Variants in ZNF212 observed in about 807,000 individuals in gnomAD.
ZNF212 encodes the protein zinc finger protein 212, also known as Zinc finger protein C2H2-150.
In ZNF212, 32 loss-of-function variants were observed where a neutral mutation model predicts 47.3. That is an observed-to-expected ratio of 0.68 (90% CI 0.51 to 0.91). ZNF212 has a LOEUF of 0.91. Ranked by LOEUF, ZNF212 falls within the 40% of genes least tolerant of loss-of-function variation. The pLI, the probability that ZNF212 is intolerant of heterozygous loss-of-function variation, is 0.00. For synonymous variants in ZNF212, 242 were observed against 253.8 expected, an observed-to-expected ratio of 0.95 and a Z score of 0.44; for missense variants, 555 against 622.8, an observed-to-expected ratio of 0.89 and a Z score of 1.16.
At chr7:149,241,676 A>G (rs965420944) in intron 1 of ZNF212, among the ~76,000 whole-genome samples, 1 of 152,190 alleles carries the variant, frequency 6.6e-6, no homozygotes, top group Non-Finnish European at 1.5e-5. Context: ...GAGCCCCAAA[A>G]CTTAAGCGAA....
At chr7:149,249,567 AAAAAT>A (rs1796723206) in intron 1 of ZNF212, among the ~76,000 whole-genome samples, 1 of 151,992 alleles carries the variant, frequency 6.6e-6, no homozygotes, top group Admixed American at 6.6e-5. Flanking sequence ...TTTGTTGAAA[AAAAAT>A]AAACTAAAAG....
rs112076454 is a variant in ZNF212, at chr7:149,245,592, A to G, written c.25-4567A>G. 4.3e-3 allele frequency among the ~76,000 whole-genome samples: 648 copies of G among 152,102 alleles called. 2 individuals carry two copies. Among genetic ancestry groups the G allele is most frequent in the Non-Finnish European group, 7.3e-3 (493 of 68,000 alleles). ...GTGATCATGGCTTCCTGCAGCCTCAATCCCCTGGGCTCAAGTGATCTTCCC... is the reference window on the plus strand; with the variant it reads ...GTGATCATGGCTTCCTGCAGCCTCAGTCCCCTGGGCTCAAGTGATCTTCCC... On this transcript the variant is annotated intron_variant, in intron 1 of 4. Transcript: ENST00000335870.
chr7:149,250,048 T>C (rs913566835), intron 1 of ZNF212, 111 bp from the exon 2 acceptor site: 13 of 1,063,174 alleles, frequency 1.2e-5, no homozygotes, highest in Non-Finnish European at 1.6e-5. Context: ...AAAGACATGC[T>C]TTTTTTTAAT....
chr7:149,252,518 C>G (rs890353704), intron 3 of ZNF212, among the ~76,000 whole-genome samples, 188 bp from the exon 4 acceptor site: 17 of 152,220 alleles, frequency 1.1e-4, no homozygotes, highest in Non-Finnish European at 2.4e-4. Context: ...AGCAGCTAGC[C>G]AAGTCAGTTG....
At chr7:149,249,915 C>T (rs1796728535) in intron 1 of ZNF212, among the ~76,000 whole-genome samples, 1 of 152,192 alleles carries the variant, frequency 6.6e-6, no homozygotes, top group African/African-American at 2.4e-5. Flanking sequence ...AGTTGTGAGC[C>T]ACCACGGCCA....
intron 3 of ZNF212, chr7:149,251,153 C>A: frequency 3.9e-6 from 1 of 258,622 alleles, no homozygotes; most frequent in Non-Finnish European, 7.3e-6. Flanking sequence ...GCTAGGGTTC[C>A]TCATGTTGTT....
chr7:149,242,457 A>G (rs980624095), intron 1 of ZNF212, among the ~76,000 whole-genome samples: 2 of 152,216 alleles, frequency 1.3e-5, no homozygotes, highest in African/African-American at 2.4e-5. Context: ...GATATTGTCA[A>G]TAGGCTGAAA....
At chr7:149,241,734 T>C (rs1247936798) in intron 1 of ZNF212, among the ~76,000 whole-genome samples, 2 of 152,192 alleles carry the variant, frequency 1.3e-5, no homozygotes, top group Non-Finnish European at 2.9e-5. Context: ...TTTGAGGGCA[T>C]TGGCCAAACA....
At position 149,246,584 on chromosome 7, in the gene ZNF212, C is replaced by T. The variant is rs1796680811; in HGVS notation, c.25-3575C>T. Reference sequence around the variant, plus strand: ...TGTATTTTTAGTAGAGATGGGGTTTCACCATGTTAGCCAGGATGGTCTTGA... The same window carrying T: ...TGTATTTTTAGTAGAGATGGGGTTTTACCATGTTAGCCAGGATGGTCTTGA... On this transcript the variant is annotated intron_variant, in intron 1 of 4. Coordinates refer to ENST00000335870, the MANE Select transcript of ZNF212 (RefSeq NM_012256.4). Among the ~76,000 whole-genome samples the T allele has an allele frequency of 2.6e-5, 4 of 152,064 alleles. No homozygotes were observed. The South Asian group carries it at 8.3e-4, about 32-fold the overall frequency.
chr7:149,246,813 C>CTTTTTTTTTTTTTTTTTTTTTTT (rs71194633), intron 1 of ZNF212, among the ~76,000 whole-genome samples: 1 of 103,592 alleles, frequency 9.7e-6, no homozygotes, highest in Non-Finnish European at 1.9e-5. Flanking sequence ...TGTCTGAATT[C>CTTTTTTTTTTTTTTTTTTTTTTT]TTTTTTTTTT....
At position 149,253,952 on chromosome 7, in the gene ZNF212, G is replaced by T; in HGVS notation, c.1025G>T (p.Gly342Val). The T allele has an allele frequency of 6.2e-7, 1 of 1,613,972 alleles. No homozygotes were observed. Among genetic ancestry groups the T allele is most frequent in the Non-Finnish European group, 8.5e-7 (1 of 1,180,004 alleles). ...CATCTGCGCAGCCACTCTGGGTGGG[G>T]GTCTTGTACACCTGAGGAGCCAGAG... ...ATHLRSHSGW[G>V]SCTPEEPEES... The change falls in exon 5 of 5, where the codon GGG (glycine) becomes GTG (valine). Residue 342 changes from glycine (G) to valine (V), a missense_variant. Gly to Val is a moderately radical substitution (Grantham distance 109). Coordinates refer to ENST00000335870, the MANE Select transcript of ZNF212 (RefSeq NM_012256.4).
At chr7:149,252,255 A>G (rs1487445304) in intron 3 of ZNF212, among the ~76,000 whole-genome samples, 3 of 152,264 alleles carry the variant, frequency 2.0e-5, no homozygotes, top group African/African-American at 7.2e-5. Flanking sequence ...AATGGGCCAG[A>G]AAAGTGACCT....
Position 149,254,759 on chromosome 7 carries a change from G to A in ZNF212, c.*344G>A. 3.5e-6 allele frequency: 1 copy of A among 287,970 alleles called. No homozygotes were observed. The highest frequency in any genetic ancestry group is 6.5e-6 in the Non-Finnish European group (1 of 154,620). 17.8% of individuals were successfully genotyped at this position (287,970 alleles called of 1,614,324 possible). On this transcript the variant is annotated 3_prime_UTR_variant, in exon 5 of 5. Coordinates refer to ENST00000335870, the MANE Select transcript of ZNF212 (RefSeq NM_012256.4). This position sits in a 1 kb window ranked among gnomAD's most constrained non-coding sequence, Gnocchi z 4.5. ...CCGGCATTTCATGTCTTCCCACGGG[G>A]TTGAGTCGGGCCATAGGGGTGAGCA...
intron 3 of ZNF212, among the ~76,000 whole-genome samples, chr7:149,252,403 G>A (rs758555758): frequency 5.9e-5 from 9 of 152,186 alleles, no homozygotes; most frequent in Admixed American, 3.9e-4. Context: ...TAAGCTGCAC[G>A]CACATGGAGA....
In ZNF212 at chr7:149,239,661, T is replaced by C; in HGVS notation, c.-118T>C. The C allele has an allele frequency of 2.9e-6, 2 of 700,204 alleles. No homozygotes were observed. Among genetic ancestry groups the C allele is most frequent in the Non-Finnish European group, 3.8e-6 (2 of 522,910 alleles). 43.4% of individuals were successfully genotyped at this position (700,204 alleles called of 1,614,324 possible). ...GAGGTCGCTGCTCCCAGAATGCACC[T>C]GGCATCAACACGGCGGCGGCGGCGG... On this transcript the variant is annotated 5_prime_UTR_variant, in exon 1 of 5. Transcript: ENST00000335870.
intron 1 of ZNF212, among the ~76,000 whole-genome samples, chr7:149,242,319 C>T (rs997957006): frequency 3.3e-5 from 5 of 151,056 alleles, no homozygotes; most frequent in South Asian, 2.1e-4. Flanking sequence ...CCACCGCACC[C>T]GGCCTAAGGC....
chr7:149,247,504 C>T (rs1337561790), intron 1 of ZNF212, among the ~76,000 whole-genome samples: 1 of 152,146 alleles, frequency 6.6e-6, no homozygotes. Flanking sequence ...AAGTAGTAGT[C>T]TACTACTAAG....
At chr7:149,240,008 C>G (rs367993175) in intron 1 of ZNF212, 5 of 563,722 alleles carry the variant, frequency 8.9e-6, no homozygotes, top group South Asian at 1.8e-4. Context: ...GGGTCGGAGC[C>G]TCGGCGCCGT....
At chr7:149,247,401 T>A (rs1285075428) in intron 1 of ZNF212, among the ~76,000 whole-genome samples, 3 of 152,218 alleles carry the variant, frequency 2.0e-5, no homozygotes, top group African/African-American at 7.2e-5. Context: ...CCACCGTGCC[T>A]GACCTTTGTC....
Sources: gnomAD v4.1 joint callset for allele counts (sites outside exome capture counted in the v4.1 genomes callset) on GRCh38, gnomAD v4.1.1 for gene constraint, Gnocchi (gnomAD v3.1) non-coding constraint, MANE v1.5 for transcripts, NCBI Gene and HGNC (gene_info 2026-07-23, HGNC 2026-07-21) for gene names.